Variants in BTBD8 observed in about 807,000 individuals in gnomAD.
BTBD8 encodes the protein BTB domain containing 8.
In BTBD8, 110 loss-of-function variants were observed where a neutral mutation model predicts 162.9. The ratio of observed to expected loss-of-function variants is 0.68; its 90% CI spans 0.58 to 0.79. The LOEUF is 0.79. Among genes scored for constraint, BTBD8 ranks in the 30% least tolerant of loss-of-function variants. The probability of loss-of-function intolerance (pLI) is 0.00; values close to 1 mark genes in which losing one functional copy is unlikely to be tolerated. For missense variants in BTBD8, 1,905 were observed against 2,085.4 expected (o/e 0.91, Z 1.68); for synonymous variants, 667 against 716.1 (o/e 0.93, Z 1.10).
In BTBD8 at chr1:92,177,127, G is replaced by T. The variant is rs1377824935; in HGVS notation, c.1934G>T (p.Gly645Val). The change falls in exon 14 of 18, where the codon GGT (glycine) becomes GTT (valine). Residue 645 changes from glycine (G) to valine (V), a missense_variant. Coordinates refer to ENST00000636805, the MANE Select transcript of BTBD8 (RefSeq NM_001376131.1). ...KTVTKSKTEN[G>V]DKARLENMSP... ...GTAACAAAATCCAAAACAGAAAATG[G>T]TGATAAGGCACGGTTGGAAAACATG... 1 of 1,551,558 alleles carries T rather than the reference G, an allele frequency of 6.4e-7. No individual in the cohort carries two copies. Among genetic ancestry groups the T allele is most frequent in the Non-Finnish European group, 8.7e-7 (1 of 1,146,994 alleles).
intron 13 of BTBD8, among the ~76,000 whole-genome samples, chr1:92,176,437 T>C (rs984021905): frequency 1.3e-5 from 2 of 152,182 alleles, no homozygotes; most frequent in Non-Finnish European, 2.9e-5. Flanking sequence ...AGTGGGATGA[T>C]GTATACAAAA....
At chr1:92,103,795 T>C (rs1055203367) in intron 3 of BTBD8, among the ~76,000 whole-genome samples, 13 of 152,316 alleles carry the variant, frequency 8.5e-5, no homozygotes, top group African/African-American at 3.1e-4. Context: ...GTAATACATA[T>C]CTCTAGTTTC....
chr1:92,159,338 C>G (rs963930974), intron 9 of BTBD8, among the ~76,000 whole-genome samples: 2 of 151,884 alleles, frequency 1.3e-5, no homozygotes, highest in South Asian at 2.1e-4. Flanking sequence ...CCACAGCTAG[C>G]TAATTTTTTG....
In BTBD8 at chr1:92,181,314, TCTC is replaced by T; in HGVS notation, c.3634_3636del (p.Pro1212del). On this transcript the variant is annotated inframe_deletion, in exon 17 of 18. Transcript: ENST00000636805. ...TTCGGGACAGCTATCAGAAAAAAAT[TCTC>T]CTAAAAATATGGAAACATCAGAATC... 1 of 1,551,312 alleles carries T rather than the reference TCTC, an allele frequency of 6.4e-7. No homozygotes were observed. The highest frequency in any genetic ancestry group is 8.7e-7 in the Non-Finnish European group (1 of 1,146,916).
At chr1:92,115,515 T>A (rs1168684414) in intron 4 of BTBD8, 1 of 404,836 alleles carries the variant, frequency 2.5e-6, no homozygotes, top group Admixed American at 2.8e-5. Flanking sequence ...GCCAGTGGAC[T>A]CCATAACATA....
rs1340890089 is a variant in BTBD8 at position 92,184,239 on chromosome 1, C to G, written c.5288C>G (p.Ser1763Cys). The G allele has an allele frequency of 1.3e-6, 2 of 1,551,614 alleles. No homozygotes were observed. The highest frequency in any genetic ancestry group is 1.7e-6 in the Non-Finnish European group (2 of 1,146,842). The change falls in exon 18 of 18, where the codon TCC (serine) becomes TGC (cysteine). Residue 1763 changes from serine to cysteine, a missense_variant. By Grantham distance (112) the Ser-to-Cys change is moderately radical (BLOSUM62 -1). Coordinates refer to ENST00000636805, the MANE Select transcript of BTBD8 (RefSeq NM_001376131.1). The stretch of plus-strand genomic sequence containing the variant: ...AGTGAACTAACATCTCCACTTGATT[C>G]CTCAGCGAGCATCACCATGGCTAGT... The part of the protein sequence containing the change: ...RWSELTSPLD[S>C]SASITMASFS...
chr1:92,173,364 C>A (rs1039736882), intron 13 of BTBD8, among the ~76,000 whole-genome samples: 1 of 152,198 alleles, frequency 6.6e-6, no homozygotes, highest in African/African-American at 2.4e-5. Context: ...TCCCGACAAC[C>A]CTTTTAAAGC....
intron 2 of BTBD8, among the ~76,000 whole-genome samples, chr1:92,099,968 T>G (rs1458889367): frequency 6.6e-6 from 1 of 152,190 alleles, no homozygotes; most frequent in Non-Finnish European, 1.5e-5. Context: ...CAGTTACCAT[T>G]AAAGTATGAT....
At position 92,147,776 on chromosome 1, in the gene BTBD8, T is replaced by A; in HGVS notation, c.1112T>A (p.Ile371Asn). 1 of 1,612,212 alleles carries A rather than the reference T, an allele frequency of 6.2e-7. No individual in the cohort carries two copies. Among genetic ancestry groups the A allele is most frequent in the Non-Finnish European group, 8.5e-7 (1 of 1,178,938 alleles). The stretch of plus-strand genomic sequence containing the variant: ...CAGAAAAGTTGTCTTAATATGTTGA[T>A]TCAGTCCTTAGTAAGTATAACCTGA... ...EIQKSCLNML[I>N]QSLNDKNAAF... Residue 371 changes from isoleucine (I) to asparagine (N), a missense_variant, in exon 9 of 18, where the codon ATT (isoleucine) becomes AAT (asparagine). This residue lies in a region of BTBD8 where 1,374 missense variants were observed against 1,442.7 expected (regional missense o/e 0.95). Coordinates refer to ENST00000636805, the MANE Select transcript of BTBD8 (RefSeq NM_001376131.1).
At position 92,129,759 on chromosome 1, in the gene BTBD8, G is replaced by A. The variant is rs1287617835; in HGVS notation, c.735G>A (p.Glu245=). Residue 245 remains glutamate (E), a synonymous_variant, in exon 5 of 18, where the codon GAG becomes GAA. Coordinates refer to ENST00000636805, the MANE Select transcript of BTBD8 (RefSeq NM_001376131.1). Reference sequence around the variant, plus strand: ...GCTGTTGGGCTGAAAGCTCCCAAGAGTACGTTACTCTTCAAGGGTAAGCAT... The same window carrying A: ...GCTGTTGGGCTGAAAGCTCCCAAGAATACGTTACTCTTCAAGGGTAAGCAT... The part of the protein sequence containing the change: ...LSGCWAESSQ[E]YVTLQGISHV... The A allele has an allele frequency of 1.9e-6, 3 of 1,613,670 alleles. No individual in the cohort carries two copies. Among genetic ancestry groups the A allele is most frequent in the Non-Finnish European group, 2.5e-6 (3 of 1,179,746 alleles).
intron 1 of BTBD8, among the ~76,000 whole-genome samples, chr1:92,088,350 T>G (rs890651909): frequency 2.0e-5 from 3 of 152,218 alleles, no homozygotes; most frequent in African/African-American, 7.2e-5. Flanking sequence ...CTTTGCATTT[T>G]AAAAATAAAT....
At chr1:92,123,351 A>C (rs900223774) in intron 4 of BTBD8, among the ~76,000 whole-genome samples, 1 of 152,200 alleles carries the variant, frequency 6.6e-6, no homozygotes, top group African/African-American at 2.4e-5. Flanking sequence ...ATTTTCGTAG[A>C]CATTTTAGAA....
chr1:92,123,626 T>C (rs947572674), intron 4 of BTBD8, among the ~76,000 whole-genome samples: 5 of 152,018 alleles, frequency 3.3e-5, no homozygotes, highest in Admixed American at 2.6e-4. Context: ...TATGTTCTAG[T>C]TGTTCATTAT....
In BTBD8 at chr1:92,122,083, C is replaced by G. The variant is rs552821612; in HGVS notation, c.663-7604C>G. The stretch of plus-strand genomic sequence containing the variant: ...AATGGACTCAGACATACTGTTGTGT[C>G]TGGCCTCTTTTGTTCAGTGTAATGT... On this transcript the variant is annotated intron_variant, in intron 4 of 17. Transcript: ENST00000636805. Among the ~76,000 whole-genome samples, 24 of 152,144 alleles carry G rather than the reference C, an allele frequency of 1.6e-4. 1 individual carries two copies. In the South Asian group the frequency reaches 4.8e-3, roughly 30 times the overall value.
At chr1:92,080,865 TC>T in intron 1 of BTBD8, 145 bp downstream of exon 1, 1 of 1,274,340 alleles carries the variant, frequency 7.8e-7, no homozygotes, top group Non-Finnish European at 1.1e-6. Flanking sequence ...TTAGCCAGTC[TC>T]CCCACTATTC....
chr1:92,180,603 C>T lies in BTBD8; in HGVS notation c.2920C>T (p.Arg974Cys), dbSNP rs1346252541. The T allele has an allele frequency of 5.2e-6, 8 of 1,550,968 alleles. No individual in the cohort carries two copies. Among genetic ancestry groups the T allele is most frequent in the East Asian group, 2.4e-5 (1 of 40,922 alleles). ...TVQKSMFHDV[R>C]DNNNKDSVSE... ...CCAAAAAAGTATGTTTCATGATGTG[C>T]GTGATAATAACAACAAGGACAGTGT... Residue 974 changes from arginine to cysteine, a missense_variant, in exon 17 of 18, where the codon CGT becomes TGT. By Grantham distance (180) the Arg-to-Cys change is radical. Around this residue, in one of 3 missense-constraint regions of BTBD8, gnomAD observed 1,374 missense variants for 1,442.7 expected, o/e 0.95. Coordinates refer to ENST00000636805, the MANE Select transcript of BTBD8 (RefSeq NM_001376131.1).
rs1363115888 is a variant in BTBD8 at position 92,172,016 on chromosome 1, G to A, written c.1635+556G>A. Among the ~76,000 whole-genome samples the A allele has an allele frequency of 9.2e-5, 14 of 152,198 alleles. No homozygotes were observed. The East Asian group carries it at 1.9e-3, about 21-fold the overall frequency. ...TGAGGGAGGAGAATTGCTTGTACCC[G>A]GGAGGCAGAGGTTGCAGTGTGATGA... On this transcript the variant is annotated intron_variant, in intron 13 of 17. Coordinates refer to ENST00000636805, the MANE Select transcript of BTBD8 (RefSeq NM_001376131.1).
At chr1:92,119,541 C>A (rs1649135525) in intron 4 of BTBD8, among the ~76,000 whole-genome samples, 1 of 152,076 alleles carries the variant, frequency 6.6e-6, no homozygotes, top group Admixed American at 6.5e-5. Flanking sequence ...CTGCCTCAAT[C>A]TCCCCAAGTG....
At chr1:92,147,822 C>G in intron 9 of BTBD8, 36 bp downstream of exon 9, 1 of 1,522,066 alleles carries the variant, frequency 6.6e-7, no homozygotes, top group Non-Finnish European at 9.0e-7. Flanking sequence ...GTGTGTTTGC[C>G]ATTAAAAAGT....
Sources: gnomAD v4.1 joint callset for allele counts (sites outside exome capture counted in the v4.1 genomes callset) on GRCh38, gnomAD v4.1.1 for gene constraint, gnomAD v4.1.1 regional missense constraint, MANE v1.5 for transcripts, NCBI Gene and HGNC (gene_info 2026-07-23, HGNC 2026-07-21) for gene names.